Variants in ALG10B observed in about 807,000 individuals in gnomAD.
ALG10B encodes ALG10 alpha-1,2-glucosyltransferase B.
ALG10B carries 27 observed loss-of-function variants against 38.7 expected under a neutral mutation model. The ratio of observed to expected loss-of-function variants is 0.70; its 90% CI spans 0.51 to 0.96. ALG10B has a LOEUF of 0.96. Among genes scored for constraint, ALG10B ranks in the 40% least tolerant of loss-of-function variants. ALG10B has a pLI of 0.00. For missense variants in ALG10B, 522 were observed against 542.7 expected (o/e 0.96, Z 0.38); for synonymous variants, 177 against 193.3 (o/e 0.92, Z 0.70).
Position 38,321,320 on chromosome 12 carries a change from G to C in ALG10B, c.*107G>C, listed in dbSNP as rs1945703423. 8.6e-7 allele frequency: 1 copy of C among 1,160,368 alleles called. No individual in the cohort carries two copies. The highest frequency in any genetic ancestry group is 1.2e-6 in the Non-Finnish European group (1 of 835,756). The allele number at this position is 1,160,368 out of a possible 1,614,324, so 71.9% of individuals were successfully genotyped here. On this transcript the variant is annotated 3_prime_UTR_variant, in exon 3 of 3. Coordinates refer to ENST00000308742, the MANE Select transcript of ALG10B (RefSeq NM_001013620.4). ...TGGAATTTCTTTTAGGTGCAGTGGT[G>C]GTCCTCAAATTACATTAGTTTTTTT... is the stretch of plus-strand genomic sequence containing the variant.
At position 38,321,228 on chromosome 12, in the gene ALG10B, T is replaced by C. The variant is rs771417808; in HGVS notation, c.*15T>C. Reference sequence around the variant, plus strand: ...TTATGTGGTAATATCAGTGATATTTTGAACTGTAAAAATGGACTTAATAAT... The same window carrying C: ...TTATGTGGTAATATCAGTGATATTTCGAACTGTAAAAATGGACTTAATAAT... On this transcript the variant is annotated 3_prime_UTR_variant, in exon 3 of 3. Transcript: ENST00000308742. 26 of 1,605,386 alleles carry C rather than the reference T, an allele frequency of 1.6e-5. No individual in the cohort carries two copies. Among genetic ancestry groups the C allele is most frequent in the South Asian group, 7.8e-5 (7 of 89,624 alleles).
rs766517528 is a variant in ALG10B at position 38,320,397 on chromosome 12, A to G, written c.606A>G (p.Ala202=). 6.2e-7 allele frequency: 1 copy of G among 1,614,118 alleles called. No homozygotes were observed. Among genetic ancestry groups the G allele is most frequent in the South Asian group, 1.1e-5 (1 of 91,080 alleles). The part of the protein sequence containing the change: ...WAVFCAGNVI[A]QKLTEAWKTE... ...TCTTCTGTGCAGGGAATGTCATTGC[A>G]CAAAAGTTAACTGAGGCTTGGAAAA... Residue 202 remains alanine (A), a synonymous_variant, in exon 3 of 3, where the codon GCA becomes GCG. Coordinates refer to ENST00000308742, the MANE Select transcript of ALG10B (RefSeq NM_001013620.4).
rs1256990018 is a variant in ALG10B at position 38,320,533 on chromosome 12, A to G, written c.742A>G (p.Ser248Gly). Residue 248 changes from serine (S) to glycine (G), a missense_variant, in exon 3 of 3, where the codon AGT becomes GGT. Physicochemically the swap from Ser to Gly is moderately conservative, Grantham distance 56. Transcript: ENST00000308742. ...TTATTCCATGTCCTTTAAAAACTTG[A>G]GTATGCTTTTCTGTTTGACTTGGCC... ...LAYSMSFKNL[S>G]MLFCLTWPYI... 2 of 1,614,030 alleles carry G rather than the reference A, an allele frequency of 1.2e-6. No individual in the cohort carries two copies. Among genetic ancestry groups the G allele is most frequent in the South Asian group, 2.2e-5 (2 of 91,072 alleles).
rs1945763447 is a variant in ALG10B, at chr12:38,328,356, G to A, written c.*7143G>A. Reference sequence around the variant, plus strand: ...ACAACTTACTAAAATGTATTTTAGCGGTGATGTTTTGGAGCACTGGTAATA... The same window carrying A: ...ACAACTTACTAAAATGTATTTTAGCAGTGATGTTTTGGAGCACTGGTAATA... On this transcript the variant is annotated 3_prime_UTR_variant, in exon 3 of 3. Transcript: ENST00000308742. The A allele has an allele frequency of 1.3e-5, 2 of 152,038 alleles. No individual in the cohort carries two copies. Among genetic ancestry groups the A allele is most frequent in the South Asian group, 2.1e-4 (1 of 4,824 alleles). 9.4% of individuals were successfully genotyped at this position (152,038 alleles called of 1,614,324 possible). A position where few individuals can be genotyped will look rare whatever the true frequency, so the allele number is the denominator to read the frequency against.
In ALG10B at chr12:38,316,988, G is replaced by A; in HGVS notation, c.95G>A (p.Arg32Gln). The A allele has an allele frequency of 6.2e-7, 1 of 1,614,068 alleles. No homozygotes were observed. The highest frequency in any genetic ancestry group is 2.2e-5 in the East Asian group (1 of 44,866). ...TTCTCCGCCTTCAGCCGGGCGCTGC[G>A]AGAGCCCTACATGGACGAGATCTTC... ...LLFSAFSRAL[R>Q]EPYMDEIFHL... The change falls in exon 1 of 3, where the codon CGA becomes CAA. Residue 32 changes from arginine to glutamine, a missense_variant. Arg to Gln is a conservative substitution (Grantham distance 43, BLOSUM62 1). Coordinates refer to ENST00000308742, the MANE Select transcript of ALG10B (RefSeq NM_001013620.4).
At chr12:38,317,151 C>T (rs1945663206) in intron 1 of ALG10B, 87 bp downstream of exon 1, 1 of 1,583,540 alleles carries the variant, frequency 6.3e-7, no homozygotes, top group South Asian at 1.1e-5. Flanking sequence ...AGACTTAACT[C>T]GTCCCTTTCC....
intron 2 of ALG10B, among the ~76,000 whole-genome samples, chr12:38,319,446 C>T (rs116372452): frequency 0.02 from 2,976 of 152,164 alleles, 101 homozygotes; most frequent in African/African-American, 0.068. Context: ...GGACTTTGAA[C>T]TTTAGCATGT....
Position 38,321,098 on chromosome 12 carries a change from G to A in ALG10B, c.1307G>A (p.Arg436Lys). 1 of 1,613,718 alleles carries A rather than the reference G, an allele frequency of 6.2e-7. No homozygotes were observed. Among genetic ancestry groups the A allele is most frequent in the East Asian group, 2.2e-5 (1 of 44,826 alleles). ...AACATAACTCTGCCTCCCACATCCAGACTTGTTTGTGAACTGAGTTGCTAT... is the reference window on the plus strand; with the variant it reads ...AACATAACTCTGCCTCCCACATCCAAACTTGTTTGTGAACTGAGTTGCTAT... ...RLNITLPPTS[R>K]LVCELSCYAI... is the part of the protein sequence containing the mutation. The change falls in exon 3 of 3, where the codon AGA (arginine) becomes AAA (lysine). Residue 436 changes from arginine to lysine, a missense_variant. Transcript: ENST00000308742.
Position 38,328,637 on chromosome 12 carries a change from T to C in ALG10B, c.*7424T>C. The C allele has an allele frequency of 6.6e-6, 1 of 152,178 alleles. No homozygotes were observed. Among genetic ancestry groups the C allele is most frequent in the Non-Finnish European group, 1.5e-5 (1 of 68,004 alleles). The allele number at this position is 152,178 out of a possible 1,614,324, so 9.4% of individuals were successfully genotyped here. A position where few individuals can be genotyped will look rare whatever the true frequency, so the allele number is the denominator to read the frequency against. ...TAATCATTTATATCTATTTATCTAA[T>C]GTTATTCAAATGTTTTCTGCGTTGT... On this transcript the variant is annotated 3_prime_UTR_variant, in exon 3 of 3. Transcript: ENST00000308742.
Position 38,321,370 on chromosome 12 carries a change from G to A in ALG10B, c.*157G>A, listed in dbSNP as rs566875904. 8 of 677,430 alleles carry A rather than the reference G, an allele frequency of 1.2e-5. No individual in the cohort carries two copies. In the South Asian group the frequency reaches 3.0e-4, roughly 25 times the overall value. The allele number at this position is 677,430 out of a possible 1,614,324, so 42.0% of individuals were successfully genotyped here. A position where few individuals can be genotyped will look rare whatever the true frequency, so the allele number is the denominator to read the frequency against. ...TAATATATATTTTAAACATATGTAA[G>A]AAATTAAGTGGCAAAGAACTGGGAA... On this transcript the variant is annotated 3_prime_UTR_variant, in exon 3 of 3. Transcript: ENST00000308742.
intron 1 of ALG10B, chr12:38,317,770 G>A (rs1258585926): frequency 5.8e-6 from 1 of 172,942 alleles, no homozygotes; most frequent in African/African-American, 2.4e-5. Context: ...GATGTTCTGA[G>A]TTTCAGAAAT....
chr12:38,320,528 A>C lies in ALG10B; in HGVS notation c.737A>C (p.Asn246Thr), dbSNP rs575916456. The part of the protein sequence containing the change: ...FLLAYSMSFK[N>T]LSMLFCLTWP... ...TTGGCTTATTCCATGTCCTTTAAAAACTTGAGTATGCTTTTCTGTTTGACT... is the reference window on the plus strand; with the variant it reads ...TTGGCTTATTCCATGTCCTTTAAAACCTTGAGTATGCTTTTCTGTTTGACT... The change falls in exon 3 of 3, where the codon AAC becomes ACC. Residue 246 changes from asparagine to threonine, a missense_variant. By Grantham distance (65) the Asn-to-Thr change is moderately conservative. Coordinates refer to ENST00000308742, the MANE Select transcript of ALG10B (RefSeq NM_001013620.4). 1 of 1,614,100 alleles carries C rather than the reference A, an allele frequency of 6.2e-7. No homozygotes were observed. The highest frequency in any genetic ancestry group is 2.2e-5 in the East Asian group (1 of 44,872).
In ALG10B at chr12:38,320,917, G is replaced by A. The variant is rs762609458; in HGVS notation, c.1126G>A (p.Ala376Thr). The A allele has an allele frequency of 1.1e-5, 18 of 1,613,752 alleles. No individual in the cohort carries two copies. The East Asian group carries it at 3.1e-4, about 28-fold the overall frequency. Residue 376 changes from alanine to threonine, a missense_variant, in exon 3 of 3, where the codon GCC becomes ACC. Transcript: ENST00000308742. Reference protein sequence around the residue: ...YAILKYLLVPAYIFAGWSIAD... With the variant: ...YAILKYLLVPTYIFAGWSIAD... ...AATTCTGAAATATTTGTTAGTTCCA[G>A]CCTATATATTTGCTGGTTGGAGTAT...
In ALG10B at chr12:38,325,839, C is replaced by A. The variant is rs1254018188; in HGVS notation, c.*4626C>A. The stretch of plus-strand genomic sequence containing the variant: ...GTATAACCTTATTTTAAAAAGGATT[C>A]ATTCCTGCCATATACTCATAATATT... On this transcript the variant is annotated 3_prime_UTR_variant, in exon 3 of 3. Transcript: ENST00000308742. The A allele has an allele frequency of 6.6e-6, 1 of 152,078 alleles. No individual in the cohort carries two copies. The highest frequency in any genetic ancestry group is 1.5e-5 in the Non-Finnish European group (1 of 67,996). The allele number at this position is 152,078 out of a possible 1,614,324, so 9.4% of individuals were successfully genotyped here. A position where few individuals can be genotyped will look rare whatever the true frequency, so the allele number is the denominator to read the frequency against.
rs895543816 is a variant in ALG10B at position 38,322,473 on chromosome 12, A to T, written c.*1260A>T. 3.9e-5 allele frequency: 6 copies of T among 152,158 alleles called. No homozygotes were observed. Among genetic ancestry groups the T allele is most frequent in the African/African-American group, 9.7e-5 (4 of 41,442 alleles). 9.4% of individuals were successfully genotyped at this position (152,158 alleles called of 1,614,324 possible). A position where few individuals can be genotyped will look rare whatever the true frequency, so the allele number is the denominator to read the frequency against. On this transcript the variant is annotated 3_prime_UTR_variant, in exon 3 of 3. Transcript: ENST00000308742. ...GATTGTTAGGAGACTACCTTTAAAA[A>T]TTTTTTATTATATATCAAATTATAG... is the stretch of plus-strand genomic sequence containing the variant.
chr12:38,318,162 TTC>T, intron 1 of ALG10B, 97 bp from the exon 2 acceptor site: 1 of 1,458,178 alleles, frequency 6.9e-7, no homozygotes, highest in Non-Finnish European at 9.6e-7. Context: ...TTCTCAAAAT[TTC>T]TGATTGTTGC....
In ALG10B at chr12:38,318,294, T is replaced by C; in HGVS notation, c.205T>C (p.Tyr69His). ...CATGATTACTACATTACCTGGCTTG[T>C]ACCTGGTGTCAGTTGGAGTGGTCAA... The part of the protein sequence containing the change: ...DPMITTLPGL[Y>H]LVSVGVVKPA... Residue 69 changes from tyrosine (Y) to histidine (H), a missense_variant, in exon 2 of 3, where the codon TAC (tyrosine) becomes CAC (histidine). By Grantham distance (83) the Tyr-to-His change is moderately conservative. Transcript: ENST00000308742. 13 of 1,614,184 alleles carry C rather than the reference T, an allele frequency of 8.1e-6. No individual in the cohort carries two copies. Among genetic ancestry groups the C allele is most frequent in the Non-Finnish European group, 1.1e-5 (13 of 1,180,002 alleles).
Position 38,321,711 on chromosome 12 carries a change from G to T in ALG10B, c.*498G>T, listed in dbSNP as rs1222167749. On this transcript the variant is annotated 3_prime_UTR_variant, in exon 3 of 3. Coordinates refer to ENST00000308742, the MANE Select transcript of ALG10B (RefSeq NM_001013620.4). ...GTCAGGTGATATTCTTGACTGAAAA[G>T]TTCCTTAACATTTCAGTAAATATAA... The T allele has an allele frequency of 2.0e-5, 3 of 152,490 alleles. No homozygotes were observed. The highest frequency in any genetic ancestry group is 2.9e-5 in the Non-Finnish European group (2 of 68,008). 9.4% of individuals were successfully genotyped at this position (152,490 alleles called of 1,614,324 possible).
Position 38,326,949 on chromosome 12 carries a change from TAATTA to T in ALG10B, c.*5741_*5745del, listed in dbSNP as rs1945749501. ...GATAAATTTTTGATGAATTTAATGT[TAATTA>T]AATTTTATCTCAGCCTATCACCATC... On this transcript the variant is annotated 3_prime_UTR_variant, in exon 3 of 3. Transcript: ENST00000308742. The T allele has an allele frequency of 6.6e-6, 1 of 151,242 alleles. No individual in the cohort carries two copies. The highest frequency in any genetic ancestry group is 2.1e-4 in the South Asian group (1 of 4,824). The allele number at this position is 151,242 out of a possible 1,614,324, so 9.4% of individuals were successfully genotyped here.
Sources: allele counts gnomAD v4.1 joint callset (sites outside exome capture counted in the v4.1 genomes callset), GRCh38; gene constraint gnomAD v4.1.1; transcripts MANE v1.5; gene names NCBI Gene and HGNC (gene_info 2026-07-23, HGNC 2026-07-21).